The following ERH variants were observed in gnomAD, a reference collection of about 807,000 sequenced individuals.
ERH encodes enhancer of rudimentary homolog.
In ERH, 1 loss-of-function variant was observed where a neutral mutation model predicts 16.8. The observed-to-expected ratio is 0.06, with a 90% CI of 0.02 to 0.28. ERH has a LOEUF of 0.28. Among genes scored for constraint, ERH ranks in the 10% least tolerant of loss-of-function variants. The probability of loss-of-function intolerance (pLI) is 1.00; values close to 1 mark genes in which losing one functional copy is unlikely to be tolerated. For missense variants in ERH, 42 were observed against 127.5 expected (o/e 0.33, Z 3.23); for synonymous variants, 43 against 43.6 (o/e 0.99, Z 0.05).
intron 2 of ERH, among the ~76,000 whole-genome samples, chr14:69,392,217 A>T (rs866146429): frequency 6.6e-6 from 1 of 152,084 alleles, no homozygotes; most frequent in South Asian, 2.1e-4. Context: ...AAGAAAAAAA[A>T]AAAAAGAATA....
At chr14:69,386,925 G>A in intron 3 of ERH, 38 bp downstream of exon 3, 1 of 1,604,320 alleles carries the variant, frequency 6.2e-7, no homozygotes, top group Non-Finnish European at 8.5e-7. Context: ...AAAAGCAATA[G>A]AAAATACAAG....
chr14:69,389,042 G>A (rs1224623390), intron 2 of ERH, among the ~76,000 whole-genome samples: 1 of 151,106 alleles, frequency 6.6e-6, no homozygotes, highest in Non-Finnish European at 1.5e-5. Flanking sequence ...TTTTTGAGAT[G>A]GATTTTTTGC....
At chr14:69,389,784 TC>T (rs2045914132) in intron 2 of ERH, among the ~76,000 whole-genome samples, 1 of 152,314 alleles carries the variant, frequency 6.6e-6, no homozygotes, top group South Asian at 2.1e-4. Flanking sequence ...CTCTTTTCTT[TC>T]CCTTGAGACA....
Position 69,387,175 on chromosome 14 carries a change from C to T in ERH, c.92-92G>A, listed in dbSNP as rs990217716. ...TATGAGCTGTGCTATATGTTGATAT[C>T]ATATTTACTTTAATAAAGTTGGGCT... On this transcript the variant is annotated intron_variant, in intron 2 of 3. Coordinates refer to ENST00000557016, the MANE Select transcript of ERH (RefSeq NM_004450.3). The T allele has an allele frequency of 7.1e-5, 71 of 999,796 alleles. No homozygotes were observed. The African/African-American group carries it at 7.5e-4, about 11-fold the overall frequency. 61.9% of individuals were successfully genotyped at this position (999,796 alleles called of 1,614,324 possible).
rs1882420213 is a variant in ERH at position 69,398,243 on chromosome 14, C to T, written c.-10G>A. ...AGGCCTTTCTCACCATCGCGCCAAACTCTCTTCGCTACAGCAGCTGCCGAC... is the reference window on the plus strand; with the variant it reads ...AGGCCTTTCTCACCATCGCGCCAAATTCTCTTCGCTACAGCAGCTGCCGAC... On this transcript the variant is annotated 5_prime_UTR_variant, in exon 1 of 4. Coordinates refer to ENST00000557016, the MANE Select transcript of ERH (RefSeq NM_004450.3). The T allele has an allele frequency of 6.2e-7, 1 of 1,614,056 alleles. No homozygotes were observed. Among genetic ancestry groups the T allele is most frequent in the Non-Finnish European group, 8.5e-7 (1 of 1,179,988 alleles).
At chr14:69,392,862 G>C (rs1882249482) in intron 2 of ERH, among the ~76,000 whole-genome samples, 1 of 152,158 alleles carries the variant, frequency 6.6e-6, no homozygotes, top group Admixed American at 6.5e-5. Flanking sequence ...TGAGAAATAA[G>C]AGTATTGCAG....
chr14:69,385,572 TAAAAA>T lies in ERH; in HGVS notation c.212+1386_212+1390del, dbSNP rs1172318476. On this transcript the variant is annotated intron_variant, in intron 3 of 3. Coordinates refer to ENST00000557016, the MANE Select transcript of ERH (RefSeq NM_004450.3). ...CAAACTTACCATTACTTTTCCCACT[TAAAAA>T]AAAGCAATTTCTTTCTCCAGCTACA... Among the ~76,000 whole-genome samples, 13 of 149,674 alleles carry T rather than the reference TAAAAA, an allele frequency of 8.7e-5. No individual in the cohort carries two copies. The South Asian group carries it at 1.7e-3, about 19-fold the overall frequency.
chr14:69,398,205 C>G, intron 1 of ERH, 26 bp downstream of exon 1: 1 of 1,613,924 alleles, frequency 6.2e-7, no homozygotes, highest in African/African-American at 1.3e-5. Flanking sequence ...GACTCGGACT[C>G]GGGTAGCCGC....
In ERH at chr14:69,380,481, C is replaced by T. The variant is rs1184755458; in HGVS notation, c.*57G>A. 1.0e-5 allele frequency: 10 copies of T among 958,618 alleles called. No individual in the cohort carries two copies. Among genetic ancestry groups the T allele is most frequent in the Admixed American group, 3.4e-5 (2 of 58,266 alleles). The allele number at this position is 958,618 out of a possible 1,614,324, so 59.4% of individuals were successfully genotyped here. On this transcript the variant is annotated 3_prime_UTR_variant, in exon 4 of 4. Transcript: ENST00000557016. Reference sequence around the variant, plus strand: ...ATGATACAAAACTTCCACTACAGCACGCTGTACACACCTGTGTTCCAAGCC... The same window carrying T: ...ATGATACAAAACTTCCACTACAGCATGCTGTACACACCTGTGTTCCAAGCC...
chr14:69,388,000 C>T (rs28401542), intron 2 of ERH, among the ~76,000 whole-genome samples: 68,756 of 152,004 alleles, frequency 0.45, 15,740 homozygotes, highest in Middle Eastern at 0.59. Flanking sequence ...GAGCCGAGAT[C>T]GGCCACTGCA....
intron 3 of ERH, among the ~76,000 whole-genome samples, chr14:69,383,079 T>A (rs868237103): frequency 1.2e-4 from 19 of 152,230 alleles, no homozygotes; most frequent in African/African-American, 4.3e-4. Context: ...AGTTTAAATG[T>A]TCTTTATGTC....
intron 3 of ERH, 48 bp downstream of exon 3, chr14:69,386,914 GA>G (rs753760664): frequency 6.3e-7 from 1 of 1,596,902 alleles, no homozygotes; most frequent in South Asian, 1.1e-5. Flanking sequence ...CAAACAGACA[GA>G]AAAGCAATAG....
intron 2 of ERH, among the ~76,000 whole-genome samples, chr14:69,391,811 G>A (rs936548495): frequency 6.6e-6 from 1 of 152,036 alleles, no homozygotes; most frequent in African/African-American, 2.4e-5. Flanking sequence ...TGGCAGGGAA[G>A]GAGGTATAGG....
At chr14:69,395,340 T>C (rs905625417) in intron 1 of ERH, among the ~76,000 whole-genome samples, 2 of 152,148 alleles carry the variant, frequency 1.3e-5, no homozygotes, top group African/African-American at 4.8e-5. Flanking sequence ...ACAAAAATAT[T>C]GATGTCTTAG....
chr14:69,396,625 T>C (rs193225929), intron 1 of ERH, among the ~76,000 whole-genome samples: 141 of 152,296 alleles, frequency 9.3e-4, no homozygotes, highest in African/African-American at 3.3e-3. Flanking sequence ...ACTTTCTGAA[T>C]AAACAATGGA....
chr14:69,390,812 A>C (rs777278003), intron 2 of ERH, among the ~76,000 whole-genome samples: 3 of 152,260 alleles, frequency 2.0e-5, no homozygotes, highest in Non-Finnish European at 4.4e-5. Context: ...AGAACTCCTA[A>C]AACTTAACCA....
At chr14:69,392,810 C>G (rs934837175) in intron 2 of ERH, among the ~76,000 whole-genome samples, 1 of 152,154 alleles carries the variant, frequency 6.6e-6, no homozygotes, top group East Asian at 1.9e-4. Context: ...ATCGGAAAAA[C>G]TGTAGTTTCT....
chr14:69,385,353 T>C (rs2045885072), intron 3 of ERH, among the ~76,000 whole-genome samples: 1 of 152,178 alleles, frequency 6.6e-6, no homozygotes, highest in Non-Finnish European at 1.5e-5. Flanking sequence ...TATTTCTTAC[T>C]TTTCCACAAA....
At chr14:69,381,754 T>C (rs1229237863) in intron 3 of ERH, among the ~76,000 whole-genome samples, 1 of 152,148 alleles carries the variant, frequency 6.6e-6, no homozygotes, top group East Asian at 1.9e-4. Context: ...AGTGGTGCCA[T>C]CTTGGCTCAC....
Sources: gnomAD v4.1 joint callset for allele counts (sites outside exome capture counted in the v4.1 genomes callset) on GRCh38, gnomAD v4.1.1 for gene constraint, MANE v1.5 for transcripts, NCBI Gene and HGNC (gene_info 2026-07-23, HGNC 2026-07-21) for gene names.